Variants in SETD1A observed in about 807,000 individuals in gnomAD.
SETD1A encodes histone-lysine N-methyltransferase SETD1A.
In SETD1A, 29 loss-of-function variants were observed where a neutral mutation model predicts 149.9. The ratio of observed to expected loss-of-function variants is 0.19; its 90% confidence interval spans 0.14 to 0.26. The LOEUF (loss-of-function observed/expected upper bound fraction) is 0.26, where lower values mean the gene tolerates loss of function less well. SETD1A is among the 10% of genes least tolerant of loss of function. SETD1A has a pLI of 1.00. For synonymous variants in SETD1A, 1,141 were observed against 968.5 expected (o/e 1.18, Z -3.31); for missense variants, 2,109 against 2,353.1 (o/e 0.90, Z 2.15).
intron 5 of SETD1A, 94 bp downstream of exon 5, chr16:30,963,648 C>T: frequency 7.3e-7 from 1 of 1,365,700 alleles, no homozygotes; most frequent in Non-Finnish European, 9.8e-7. Context: ...TCCGGGCTTT[C>T]CCGTTAAACA....
chr16:30,962,703 C>CTT (rs1480030168), intron 4 of SETD1A, among the ~76,000 whole-genome samples: 1 of 152,194 alleles, frequency 6.6e-6, no homozygotes, highest in African/African-American at 2.4e-5. Flanking sequence ...TCCCAAGACT[C>CTT]TGAGAGGCCA....
chr16:30,970,580 C>T (rs1018022677), intron 12 of SETD1A, among the ~76,000 whole-genome samples: 2 of 152,142 alleles, frequency 1.3e-5, no homozygotes, highest in African/African-American at 4.8e-5. Context: ...TTGCAGCAGT[C>T]TTGACTGATT....
intron 17 of SETD1A, among the ~76,000 whole-genome samples, chr16:30,982,388 C>T (rs531986729): frequency 1.3e-5 from 2 of 151,952 alleles, no homozygotes; most frequent in East Asian, 3.9e-4. Context: ...GTAATCCCAG[C>T]TACTAGGGAG....
intron 13 of SETD1A, among the ~76,000 whole-genome samples, chr16:30,973,820 T>G (rs573428635): frequency 9.9e-5 from 15 of 152,212 alleles, no homozygotes; most frequent in African/African-American, 3.4e-4. Context: ...GAGGCGCTCA[T>G]TACACCTCAG....
Position 30,963,426 on chromosome 16 carries a change from C to A in SETD1A, c.518-7C>A, listed in dbSNP as rs202041817. ...CTGACAATTGGTTCCCATTTCCCTC[C>A]CTCCAGGACAACAACGAATGAAATA... is the stretch of plus-strand genomic sequence containing the variant. On this transcript the variant is annotated splice_region_variant and splice_polypyrimidine_tract_variant and intron_variant, in intron 4 of 18. Transcript: ENST00000262519. 12 of 1,589,248 alleles carry A rather than the reference C, an allele frequency of 7.6e-6. No individual in the cohort carries two copies. Among genetic ancestry groups the A allele is most frequent in the Non-Finnish European group, 1.0e-5 (12 of 1,167,930 alleles).
At position 30,964,231 on chromosome 16, in the gene SETD1A, C is replaced by T. The variant is rs766633491; in HGVS notation, c.777C>T (p.Ser259=). 9.9e-6 allele frequency: 16 copies of T among 1,614,146 alleles called. No individual in the cohort carries two copies. Among genetic ancestry groups the T allele is most frequent in the Admixed American group, 1.7e-5 (1 of 60,028 alleles). Residue 259 remains serine, a synonymous_variant, in exon 6 of 19, where the codon TCC becomes TCT. Coordinates refer to ENST00000262519, the MANE Select transcript of SETD1A (RefSeq NM_014712.3). ...GCAGCCGACAAGATACCCCATCTTC[C>T]TTTGGCCAGTTCACACCTCAGTCCT... The part of the protein sequence containing the change: ...FSSSRQDTPS[S]FGQFTPQSSQ...
rs369238104 is a variant in SETD1A at position 30,964,789 on chromosome 16, G to C, written c.1047G>C (p.Ser349=). ...CCTCCTCATTGTCCTCGTCCTCCTC[G>C]TCATCCTCTTCCTCCTCGTCCTCTC... is the stretch of plus-strand genomic sequence containing the variant. ...ASSSSLSSSS[S]SSSSSSSSQF... The change falls in exon 7 of 19, where the codon TCG becomes TCC. Residue 349 remains serine (S), a synonymous_variant. Transcript: ENST00000262519. 1.2e-6 allele frequency: 2 copies of C among 1,613,916 alleles called. No individual in the cohort carries two copies. Among genetic ancestry groups the C allele is most frequent in the Non-Finnish European group, 1.7e-6 (2 of 1,179,940 alleles).
At chr16:30,978,660 A>G (rs73526698) in intron 13 of SETD1A, among the ~76,000 whole-genome samples, 2 of 152,346 alleles carry the variant, frequency 1.3e-5, no homozygotes, top group African/African-American at 2.4e-5. Flanking sequence ...TTTAGGTTGT[A>G]TCGTGTTCAC....
At chr16:30,967,639 G>C in intron 10 of SETD1A, 51 bp downstream of exon 10, 1 of 1,515,262 alleles carries the variant, frequency 6.6e-7, no homozygotes, top group Non-Finnish European at 9.2e-7. Flanking sequence ...GGGTTCTGAT[G>C]GGAGAGCAAG....
In SETD1A at chr16:30,971,490, C is replaced by T. The variant is rs531337171; in HGVS notation, c.3129C>T (p.Ser1043=). The T allele has an allele frequency of 5.8e-6, 9 of 1,562,638 alleles. No individual in the cohort carries two copies. The highest frequency in any genetic ancestry group is 1.4e-5 in the African/African-American group (1 of 73,274). Residue 1043 remains serine, a synonymous_variant, in exon 13 of 19, where the codon TCC becomes TCT. Coordinates refer to ENST00000262519, the MANE Select transcript of SETD1A (RefSeq NM_014712.3). ...GCAGCAGCTCTTCCAGCTCCTCATC[C>T]TCCTCCTCCTCCTCGTCCTCATCCT... The part of the protein sequence containing the change: ...SESSSSSSSS[S]SSSSSSSSSS...
Position 30,979,260 on chromosome 16 carries a change from G to A in SETD1A, c.3474G>A (p.Leu1158=), listed in dbSNP as rs1264411331. The change falls in exon 14 of 19, where the codon CTG becomes CTA. Residue 1158 remains leucine, a synonymous_variant. Transcript: ENST00000262519. ...GTCCCTCTTCTCCCATCCCCCTCCT[G>A]CCCCCACCCAAGAAACGCCGGAAAA... ...DERPSSPIPL[L]PPPKKRRKTV... 6.7e-7 allele frequency: 1 copy of A among 1,490,080 alleles called. No homozygotes were observed. The highest frequency in any genetic ancestry group is 8.9e-7 in the Non-Finnish European group (1 of 1,117,786). The allele number at this position is 1,490,080 out of a possible 1,614,324, so 92.3% of individuals were successfully genotyped here.
In SETD1A at chr16:30,983,811, G is replaced by C; in HGVS notation, c.4950+39G>C. 6.2e-7 allele frequency: 1 copy of C among 1,611,778 alleles called. No homozygotes were observed. ...CAGCCGGGGCAGGAGTTGGGGGTCG[G>C]TGGGGGTGGCCACGGCTCACACGCC... On this transcript the variant is annotated intron_variant, in intron 18 of 18. Coordinates refer to ENST00000262519, the MANE Select transcript of SETD1A (RefSeq NM_014712.3). The surrounding 1 kb of genome is among the most constrained non-coding windows in gnomAD (Gnocchi z 6.8).
rs2143609254 is a variant in SETD1A at position 30,983,995 on chromosome 16, C to G, written c.5096C>G (p.Thr1699Arg). 3 of 1,613,862 alleles carry G rather than the reference C, an allele frequency of 1.9e-6. No homozygotes were observed. Among genetic ancestry groups the G allele is most frequent in the Non-Finnish European group, 1.7e-6 (2 of 1,179,870 alleles). ...EDNKIPCLCGTESCRGSLN is the reference protein window; with the variant it reads ...EDNKIPCLCGRESCRGSLN ...AACAAGATCCCGTGTCTGTGTGGCACAGAGAGCTGCCGGGGCTCCCTAAAC... is the reference window on the plus strand; with the variant it reads ...AACAAGATCCCGTGTCTGTGTGGCAGAGAGAGCTGCCGGGGCTCCCTAAAC... The change falls in exon 19 of 19, where the codon ACA (threonine) becomes AGA (arginine). Residue 1699 changes from threonine (T) to arginine (R), a missense_variant. This residue lies in a region of SETD1A where 254 missense variants were observed against 409.3 expected (regional missense o/e 0.62). Coordinates refer to ENST00000262519, the MANE Select transcript of SETD1A (RefSeq NM_014712.3). This position sits in a 1 kb window ranked among gnomAD's most constrained non-coding sequence, Gnocchi z 6.8.
rs536720205 is a variant in SETD1A, at chr16:30,961,229, G to A, written c.247-38G>A. 8.7e-6 allele frequency: 14 copies of A among 1,607,746 alleles called. No homozygotes were observed. In the East Asian group the frequency reaches 3.1e-4, roughly 36 times the overall value. The stretch of plus-strand genomic sequence containing the variant: ...CCGAAGGACAAAGGAACAGTGGTCA[G>A]TGTTGAGACCCCATACCAACTCCTG... On this transcript the variant is annotated intron_variant, in intron 3 of 18. Coordinates refer to ENST00000262519, the MANE Select transcript of SETD1A (RefSeq NM_014712.3). This position sits in a 1 kb window ranked among gnomAD's most constrained non-coding sequence, Gnocchi z 4.0.
rs187960976 is a variant in SETD1A, at chr16:30,983,788, G to T, written c.4950+16G>T. ...CTGCTGCACGGTGCGCCAGGGGCCAGCCGGGGCAGGAGTTGGGGGTCGGTG... is the reference window on the plus strand; with the variant it reads ...CTGCTGCACGGTGCGCCAGGGGCCATCCGGGGCAGGAGTTGGGGGTCGGTG... On this transcript the variant is annotated intron_variant, in intron 18 of 18. Coordinates refer to ENST00000262519, the MANE Select transcript of SETD1A (RefSeq NM_014712.3). The surrounding 1 kb of genome is among the most constrained non-coding windows in gnomAD (Gnocchi z 6.8). 4,325 of 1,613,424 alleles carry T rather than the reference G, an allele frequency of 2.7e-3. 10 individuals carry two copies. The highest frequency in any genetic ancestry group is 3.4e-3 in the Non-Finnish European group (3,976 of 1,179,540).
rs754570364 is a variant in SETD1A, at chr16:30,979,222, C to T, written c.3436C>T (p.Arg1146Cys). Residue 1146 changes from arginine (R) to cysteine (C), a missense_variant, in exon 14 of 19, where the codon CGC becomes TGC. By Grantham distance (180) the Arg-to-Cys change is radical. Around this residue, in one of 8 missense-constraint regions of SETD1A, gnomAD observed 832 missense variants for 815.6 expected, o/e 1.02. Transcript: ENST00000262519. ...TGCTGGGCCCCCGGCCCCTGCCCCA[C>T]GCCCCGATGAGCGTCCCTCTTCTCC... ...PPAGPPAPAP[R>C]PDERPSSPIP... 1.9e-5 allele frequency: 30 copies of T among 1,588,840 alleles called. No homozygotes were observed. The highest frequency in any genetic ancestry group is 9.1e-5 in the South Asian group (8 of 88,200).
At position 30,964,222 on chromosome 16, in the gene SETD1A, C is replaced by A. The variant is rs1596673549; in HGVS notation, c.768C>A (p.Thr256=). 1 of 1,614,014 alleles carries A rather than the reference C, an allele frequency of 6.2e-7. No individual in the cohort carries two copies. Among genetic ancestry groups the A allele is most frequent in the South Asian group, 1.1e-5 (1 of 91,092 alleles). ...GCTTCTCCAGCAGCCGACAAGATACCCCATCTTCCTTTGGCCAGTTCACAC... is the reference window on the plus strand; with the variant it reads ...GCTTCTCCAGCAGCCGACAAGATACACCATCTTCCTTTGGCCAGTTCACAC... ...DTSFSSSRQD[T]PSSFGQFTPQ... The change falls in exon 6 of 19, where the codon ACC becomes ACA. Residue 256 remains threonine (T), a synonymous_variant. Coordinates refer to ENST00000262519, the MANE Select transcript of SETD1A (RefSeq NM_014712.3).
rs1187497724 is a variant in SETD1A at position 30,958,833 on chromosome 16, G to A, written c.102G>A (p.Arg34=). The A allele has an allele frequency of 6.2e-7, 1 of 1,614,220 alleles. No homozygotes were observed. The change falls in exon 2 of 19, where the codon AGG becomes AGA. Residue 34 remains arginine (R), a synonymous_variant. Coordinates refer to ENST00000262519, the MANE Select transcript of SETD1A (RefSeq NM_014712.3). ...VDPALDPALR[R]PSQKVYRYDG... ...CTGCCTTGGACCCTGCCCTGCGCAGGCCTTCTCAGAAGGTGTACCGCTATG... is the reference window on the plus strand; with the variant it reads ...CTGCCTTGGACCCTGCCCTGCGCAGACCTTCTCAGAAGGTGTACCGCTATG...
In SETD1A at chr16:30,979,779, A is replaced by C. The variant is rs745426204; in HGVS notation, c.3993A>C (p.Pro1331=). ...CACCCGCCGCCCTCTTCAGTTCCCCAGCTGATGAGGTCCTGGAGGCCCCCG... is the reference window on the plus strand; with the variant it reads ...CACCCGCCGCCCTCTTCAGTTCCCCCGCTGATGAGGTCCTGGAGGCCCCCG... ...VPAPAALFSS[P]ADEVLEAPEV... is the part of the protein sequence containing the mutation. The change falls in exon 14 of 19, where the codon CCA becomes CCC. Residue 1331 remains proline, a synonymous_variant. Coordinates refer to ENST00000262519, the MANE Select transcript of SETD1A (RefSeq NM_014712.3). 3 of 1,589,778 alleles carry C rather than the reference A, an allele frequency of 1.9e-6. No homozygotes were observed. The highest frequency in any genetic ancestry group is 2.7e-5 in the African/African-American group (2 of 74,630).
Sources: gnomAD v4.1 joint callset for allele counts (sites outside exome capture counted in the v4.1 genomes callset) on GRCh38, gnomAD v4.1.1 for gene constraint, gnomAD v4.1.1 regional missense constraint, Gnocchi (gnomAD v3.1) non-coding constraint, MANE v1.5 for transcripts, NCBI Gene and HGNC (gene_info 2026-07-23, HGNC 2026-07-21) for gene names.